ZNF804A: variants seen among roughly 807,000 people sequenced by gnomAD.
ZNF804A encodes zinc finger protein 804A.
A neutral mutation model predicts 16.5 loss-of-function variants in ZNF804A; 2 were observed. The observed-to-expected ratio is 0.12, with a 90% CI of 0.05 to 0.38. ZNF804A has a LOEUF of 0.38. Among genes scored for constraint, ZNF804A ranks in the 10% least tolerant of loss-of-function variants. The probability of loss-of-function intolerance (pLI) is 0.99; values close to 1 mark genes in which losing one functional copy is unlikely to be tolerated. For missense variants in ZNF804A, 1,473 were observed against 1,390.7 expected (o/e 1.06, Z -0.94); for synonymous variants, 534 against 489.6 (o/e 1.09, Z -1.20).
At chr2:184,658,565 G>T (rs184369373) in intron 1 of ZNF804A, among the ~76,000 whole-genome samples, 2 of 152,262 alleles carry the variant, frequency 1.3e-5, no homozygotes, top group African/African-American at 4.8e-5. Context: ...TTAGACTATG[G>T]AGGAGAAGGA....
rs1301690109 is a variant in ZNF804A at position 184,708,567 on chromosome 2, C to CG, written c.111+109499dup. Among the ~76,000 whole-genome samples the CG allele has an allele frequency of 3.9e-5, 6 of 152,158 alleles. No individual in the cohort carries two copies. The East Asian group carries it at 1.2e-3, about 29-fold the overall frequency. ...TGAGGAAAGGACCAAATTCAACAAA[C>CG]GGTGCTGGGATAACTAGCTAACCAT... On this transcript the variant is annotated intron_variant, in intron 1 of 3. Transcript: ENST00000302277.
intron 2 of ZNF804A, among the ~76,000 whole-genome samples, chr2:184,880,914 C>A (rs1304712122): frequency 6.6e-6 from 1 of 151,720 alleles, no homozygotes; most frequent in African/African-American, 2.4e-5. Context: ...GTTAAAATGA[C>A]AATTAAATTT....
intron 1 of ZNF804A, among the ~76,000 whole-genome samples, chr2:184,731,251 C>CAAAAA (rs563068533): frequency 5.7e-4 from 26 of 45,280 alleles, no homozygotes; most frequent in East Asian, 1.8e-3. Context: ...GGCTCCGTCG[C>CAAAAA]AAAAAAAAAA....
intron 1 of ZNF804A, among the ~76,000 whole-genome samples, chr2:184,613,965 T>G (rs1048715667): frequency 2.6e-5 from 4 of 152,064 alleles, no homozygotes; most frequent in African/African-American, 7.2e-5. Context: ...AAAAAAGAGC[T>G]GGTATAGCCA....
chr2:184,815,191 C>A (rs1274801862), intron 1 of ZNF804A, among the ~76,000 whole-genome samples: 2 of 151,802 alleles, frequency 1.3e-5, no homozygotes, highest in Non-Finnish European at 2.9e-5. Context: ...TCCACATTAT[C>A]CACAGATTAA....
At chr2:184,619,682 T>C (rs1691387073) in intron 1 of ZNF804A, among the ~76,000 whole-genome samples, 1 of 151,962 alleles carries the variant, frequency 6.6e-6, no homozygotes, top group Non-Finnish European at 1.5e-5. Flanking sequence ...ACTCTAAGTA[T>C]CTAGCCAGAA....
At chr2:184,607,334 G>T (rs557600156) in intron 1 of ZNF804A, among the ~76,000 whole-genome samples, 1 of 152,244 alleles carries the variant, frequency 6.6e-6, no homozygotes, top group South Asian at 2.1e-4. Flanking sequence ...AAGGAAAAAG[G>T]TTTAATTGAC....
chr2:184,688,399 A>T (rs976661940), intron 1 of ZNF804A, among the ~76,000 whole-genome samples: 18 of 151,460 alleles, frequency 1.2e-4, no homozygotes, highest in Admixed American at 1.1e-3. Context: ...ATAGCAATAC[A>T]TTTTAATATT....
chr2:184,721,184 G>A lies in ZNF804A; in HGVS notation c.111+122114G>A, dbSNP rs137996179. Among the ~76,000 whole-genome samples, 328 of 152,178 alleles carry A rather than the reference G, an allele frequency of 2.2e-3. 1 individual carries two copies. Among genetic ancestry groups the A allele is most frequent in the Middle Eastern group, 6.8e-3 (2 of 294 alleles). ...GGAAACACTTCTGGAAATTTGCCTA[G>A]GCAAAGATTTTGTGGCTAAGACCTC... On this transcript the variant is annotated intron_variant, in intron 1 of 3. Coordinates refer to ENST00000302277, the MANE Select transcript of ZNF804A (RefSeq NM_194250.2).
At chr2:184,671,130 C>T (rs1427426962) in intron 1 of ZNF804A, among the ~76,000 whole-genome samples, 1 of 152,132 alleles carries the variant, frequency 6.6e-6, no homozygotes, top group Admixed American at 6.6e-5. Context: ...GTAATCAGTT[C>T]AGGCTTTTGA....
chr2:184,603,291 T>G (rs1691079733), intron 1 of ZNF804A, among the ~76,000 whole-genome samples: 1 of 152,192 alleles, frequency 6.6e-6, no homozygotes, highest in Non-Finnish European at 1.5e-5. Context: ...TTGCTCATTT[T>G]GAATCTGTTA....
In ZNF804A at chr2:184,938,474, A is replaced by G. The variant is rs753482522; in HGVS notation, c.3078A>G (p.Pro1026=). The stretch of plus-strand genomic sequence containing the variant: ...TAACAGCTGAGCAAATCCTGGCTCC[A>G]TTAGCTTTACCAGAGCAAGCATTAT... ...TFVTAEQILA[P]LALPEQALLI... Residue 1026 remains proline (P), a synonymous_variant, in exon 4 of 4, where the codon CCA becomes CCG. Coordinates refer to ENST00000302277, the MANE Select transcript of ZNF804A (RefSeq NM_194250.2). The G allele has an allele frequency of 6.2e-7, 1 of 1,614,112 alleles. No individual in the cohort carries two copies. The highest frequency in any genetic ancestry group is 8.5e-7 in the Non-Finnish European group (1 of 1,180,020).
chr2:184,626,653 CTT>C (rs1031821745), intron 1 of ZNF804A, among the ~76,000 whole-genome samples: 1 of 152,058 alleles, frequency 6.6e-6, no homozygotes, highest in Non-Finnish European at 1.5e-5. Context: ...AATGATATGT[CTT>C]TATGGCTGAA....
chr2:184,741,440 A>G (rs1693707686), intron 1 of ZNF804A, among the ~76,000 whole-genome samples: 1 of 152,122 alleles, frequency 6.6e-6, no homozygotes, highest in Non-Finnish European at 1.5e-5. Context: ...CAACACATTT[A>G]ATTGCCCATA....
intron 1 of ZNF804A, among the ~76,000 whole-genome samples, chr2:184,691,345 G>A (rs1692721380): frequency 1.3e-5 from 2 of 151,860 alleles, no homozygotes; most frequent in African/African-American, 4.8e-5. Context: ...TCTAGAATAA[G>A]TTGATGCTCT....
intron 1 of ZNF804A, among the ~76,000 whole-genome samples, chr2:184,738,802 A>G (rs1048692239): frequency 2.8e-4 from 42 of 152,356 alleles, no homozygotes; most frequent in African/African-American, 1.0e-3. Context: ...AAATGGAAAC[A>G]AGACGTCTAC....
chr2:184,788,345 C>T (rs974160741), intron 1 of ZNF804A, among the ~76,000 whole-genome samples: 6 of 151,644 alleles, frequency 4.0e-5, no homozygotes, highest in African/African-American at 1.5e-4. Context: ...TTTATATGAA[C>T]TTAAGGATAT....
intron 1 of ZNF804A, among the ~76,000 whole-genome samples, chr2:184,863,117 G>C (rs1291816333): frequency 6.6e-6 from 1 of 152,124 alleles, no homozygotes; most frequent in Non-Finnish European, 1.5e-5. Flanking sequence ...AGTTATTGAA[G>C]CTGAATAGTG....
At chr2:184,895,869 G>A (rs1685056964) in intron 2 of ZNF804A, among the ~76,000 whole-genome samples, 1 of 152,068 alleles carries the variant, frequency 6.6e-6, no homozygotes, top group African/African-American at 2.4e-5. Context: ...TTTTTGCTAT[G>A]CATTTTAGTC....
Sources: allele counts gnomAD v4.1 joint callset (sites outside exome capture counted in the v4.1 genomes callset), GRCh38; gene constraint gnomAD v4.1.1; transcripts MANE v1.5; gene names NCBI Gene and HGNC (gene_info 2026-07-23, HGNC 2026-07-21).